The following LY6G6C variants were observed in gnomAD, a reference collection of about 807,000 sequenced individuals.
The protein encoded by LY6G6C is lymphocyte antigen 6 complex locus protein G6c.
Under a neutral mutation model 12.8 loss-of-function variants are expected in LY6G6C, and 12 were observed. The ratio of observed to expected loss-of-function variants is 0.94; its 90% confidence interval spans 0.60 to 1.52. LY6G6C has a LOEUF of 1.52. LY6G6C is among the 40% of genes most tolerant of loss of function. LY6G6C has a pLI of 0.00. For missense variants in LY6G6C, 125 were observed against 155.8 expected, an observed-to-expected ratio of 0.80 and a Z score of 1.05; for synonymous variants, 42 against 61.6, an observed-to-expected ratio of 0.68 and a Z score of 1.49.
At chr6:31,719,969 G>T in intron 2 of LY6G6C, 124 bp downstream of exon 2, 1 of 653,242 alleles carries the variant, frequency 1.5e-6, no homozygotes. Context: ...ACCATCTTTG[G>T]CCAAATATTA....
chr6:31,719,383 T>C (rs1469534994), intron 2 of LY6G6C, 73 bp from the exon 3 acceptor site: 1 of 1,302,260 alleles, frequency 7.7e-7, no homozygotes, highest in Non-Finnish European at 1.1e-6. Flanking sequence ...CCCCACCCCA[T>C]CCACCCACCT....
At position 31,719,190 on chromosome 6, in the gene LY6G6C, T is replaced by C; in HGVS notation, c.284A>G (p.Asp95Gly). 6.2e-7 allele frequency: 1 copy of C among 1,614,128 alleles called. No individual in the cohort carries two copies. Among genetic ancestry groups the C allele is most frequent in the Non-Finnish European group, 8.5e-7 (1 of 1,180,012 alleles). The change falls in exon 3 of 3, where the codon GAC (aspartate) becomes GGC (glycine). Residue 95 changes from aspartate (D) to glycine (G), a missense_variant. Coordinates refer to ENST00000375819, the MANE Select transcript of LY6G6C (RefSeq NM_025261.3). ...LTYNTTCCNK[D>G]NCNSAGPRPT... The stretch of plus-strand genomic sequence containing the variant: ...CCGGGGTCCTGCGCTGTTGCAGTTG[T>C]CCTTGTTGCAGCAGGTGGTGTTATA...
In LY6G6C at chr6:31,720,186, A is replaced by C. The variant is rs1194493580; in HGVS notation, c.70T>G (p.Ser24Ala). The C allele has an allele frequency of 6.2e-7, 1 of 1,612,860 alleles. No individual in the cohort carries two copies. Reference sequence around the variant, plus strand: ...CCCAGCACAGGGACCTTGTAGCAGGAGTGACAGCGAATGTCAGCTGGGAAG... The same window carrying C: ...CCCAGCACAGGGACCTTGTAGCAGGCGTGACAGCGAATGTCAGCTGGGAAG... ...CWVSADIRCH[S>A]CYKVPVLGCV... Residue 24 changes from serine (S) to alanine (A), a missense_variant, in exon 2 of 3, where the codon TCC becomes GCC. By Grantham distance (99) the Ser-to-Ala change is moderately conservative (BLOSUM62 1). Transcript: ENST00000375819. The surrounding 1 kb of genome is among the most constrained non-coding windows in gnomAD (Gnocchi z 4.9).
At position 31,720,973 on chromosome 6, in the gene LY6G6C, C is replaced by T. The variant is rs1806741923; in HGVS notation, c.52+655G>A. ...TGTACCTCAGTGAAATCCACTTCAC[C>T]CTGGAGGTAAGTGGCCCAGTTGTCC... On this transcript the variant is annotated intron_variant, in intron 1 of 2. Coordinates refer to ENST00000375819, the MANE Select transcript of LY6G6C (RefSeq NM_025261.3). This position sits in a 1 kb window ranked among gnomAD's most constrained non-coding sequence, Gnocchi z 4.9. 1 of 152,262 alleles carries T rather than the reference C, an allele frequency of 6.6e-6. No individual in the cohort carries two copies. 9.4% of individuals were successfully genotyped at this position (152,262 alleles called of 1,614,324 possible).
intron 1 of LY6G6C, 81 bp downstream of exon 1, chr6:31,721,547 G>A (rs1416086793): frequency 8.2e-6 from 11 of 1,340,970 alleles, no homozygotes; most frequent in Non-Finnish European, 1.2e-5. Flanking sequence ...CCGAGTGGTG[G>A]GTAGGGCCGG....
Position 31,718,736 on chromosome 6 carries a change from C to G in LY6G6C, c.*360G>C. The G allele has an allele frequency of 2.8e-6, 1 of 359,158 alleles. No individual in the cohort carries two copies. Among genetic ancestry groups the G allele is most frequent in the African/African-American group, 2.0e-5 (1 of 49,834 alleles). 22.2% of individuals were successfully genotyped at this position (359,158 alleles called of 1,614,324 possible). A position where few individuals can be genotyped will look rare whatever the true frequency, so the allele number is the denominator to read the frequency against. ...GGAGCCTGGGTTTGGGGAGTCAGCT[C>G]TGTACAGTGAGGTCATCAGGTCCTT... On this transcript the variant is annotated 3_prime_UTR_variant, in exon 3 of 3. Transcript: ENST00000375819.
rs769163369 is a variant in LY6G6C at position 31,719,193 on chromosome 6, T to A, written c.281A>T (p.Lys94Met). 6.2e-7 allele frequency: 1 copy of A among 1,614,140 alleles called. No individual in the cohort carries two copies. Among genetic ancestry groups the A allele is most frequent in the South Asian group, 1.1e-5 (1 of 91,080 alleles). Residue 94 changes from lysine to methionine, a missense_variant, in exon 3 of 3, where the codon AAG becomes ATG. Coordinates refer to ENST00000375819, the MANE Select transcript of LY6G6C (RefSeq NM_025261.3). ...GGGTCCTGCGCTGTTGCAGTTGTCC[T>A]TGTTGCAGCAGGTGGTGTTATATGT... ...GLTYNTTCCN[K>M]DNCNSAGPRP... is the part of the protein sequence containing the mutation.
Position 31,720,677 on chromosome 6 carries a change from A to AGCAATTT in LY6G6C, c.53-481_53-475dup. ...GAGAAAGCCATCTGTGGCCAGCTTTAGCAATTTACAATTTACTCTTCACCT... is the reference window on the plus strand; with the variant it reads ...GAGAAAGCCATCTGTGGCCAGCTTTAGCAATTTGCAATTTACAATTTACTCTTCACCT... On this transcript the variant is annotated intron_variant, in intron 1 of 2. Transcript: ENST00000375819. This position sits in a 1 kb window ranked among gnomAD's most constrained non-coding sequence, Gnocchi z 4.9. Among the ~76,000 whole-genome samples, 1 of 152,234 alleles carries AGCAATTT rather than the reference A, an allele frequency of 6.6e-6. No individual in the cohort carries two copies. Among genetic ancestry groups the AGCAATTT allele is most frequent in the East Asian group, 1.9e-4 (1 of 5,202 alleles).
At chr6:31,719,359 G>A in intron 2 of LY6G6C, 49 bp from the exon 3 acceptor site, 2 of 1,541,956 alleles carry the variant, frequency 1.3e-6, no homozygotes, top group Non-Finnish European at 1.8e-6. Flanking sequence ...CACCTGGCAT[G>A]CCTGTGTCCA....
In LY6G6C at chr6:31,719,168, G is replaced by T. The variant is rs1242375857; in HGVS notation, c.306C>A (p.Pro102=). 2 of 1,614,174 alleles carry T rather than the reference G, an allele frequency of 1.2e-6. No individual in the cohort carries two copies. The highest frequency in any genetic ancestry group is 1.7e-6 in the Non-Finnish European group (2 of 1,180,016). The change falls in exon 3 of 3, where the codon CCC becomes CCA. Residue 102 remains proline (P), a synonymous_variant. Transcript: ENST00000375819. ...CNKDNCNSAG[P]RPTPALGLVF... is the part of the protein sequence containing the mutation. Reference sequence around the variant, plus strand: ...CAAGGCCCAGGGCTGGAGTGGGCCGGGGTCCTGCGCTGTTGCAGTTGTCCT... The same window carrying T: ...CAAGGCCCAGGGCTGGAGTGGGCCGTGGTCCTGCGCTGTTGCAGTTGTCCT...
At chr6:31,721,542 TG>T in intron 1 of LY6G6C, 85 bp downstream of exon 1, 2 of 1,265,652 alleles carry the variant, frequency 1.6e-6, no homozygotes, top group Non-Finnish European at 2.3e-6. Context: ...GGATCCCGAG[TG>T]GTGGGTAGGG....
At chr6:31,719,518 C>A (rs1418948031) in intron 2 of LY6G6C, among the ~76,000 whole-genome samples, 1 of 152,110 alleles carries the variant, frequency 6.6e-6, no homozygotes, top group South Asian at 2.1e-4. Context: ...TGGCCATGGA[C>A]CTGTTACTGT....
chr6:31,719,956 A>T (rs1806695454), intron 2 of LY6G6C, 137 bp downstream of exon 2: 1 of 620,276 alleles, frequency 1.6e-6, no homozygotes, highest in East Asian at 2.7e-5. Context: ...TGCCTGGCAC[A>T]CAACCATCTT....
At position 31,720,663 on chromosome 6, in the gene LY6G6C, C is replaced by T. The variant is rs1806728399; in HGVS notation, c.53-460G>A. Among the ~76,000 whole-genome samples, 1 of 152,166 alleles carries T rather than the reference C, an allele frequency of 6.6e-6. No individual in the cohort carries two copies. Among genetic ancestry groups the T allele is most frequent in the Non-Finnish European group, 1.5e-5 (1 of 68,032 alleles). On this transcript the variant is annotated intron_variant, in intron 1 of 2. Transcript: ENST00000375819. This position sits in a 1 kb window ranked among gnomAD's most constrained non-coding sequence, Gnocchi z 4.9. The stretch of plus-strand genomic sequence containing the variant: ...AACTTGAGGCTGGCGAGAAAGCCAT[C>T]TGTGGCCAGCTTTAGCAATTTACAA...
chr6:31,719,462 G>T, intron 2 of LY6G6C, 152 bp from the exon 3 acceptor site: 1 of 661,750 alleles, frequency 1.5e-6, no homozygotes, highest in Admixed American at 2.4e-5. Context: ...TCTTCCTTCT[G>T]CACATCCTTA....
chr6:31,721,558 G>C, intron 1 of LY6G6C, 70 bp downstream of exon 1: 2 of 1,455,246 alleles, frequency 1.4e-6, no homozygotes, highest in Non-Finnish European at 1.9e-6. Context: ...GTAGGGCCGG[G>C]AAGTGGGTAG....
Position 31,720,168 on chromosome 6 carries a change from C to A in LY6G6C, c.88G>T (p.Val30Leu), listed in dbSNP as rs1562164651. ...GACTGCCGGTCCACACAGCCCAGCA[C>A]AGGGACCTTGTAGCAGGAGTGACAG... ...IRCHSCYKVPVLGCVDRQSCR... is the reference protein window; with the variant it reads ...IRCHSCYKVPLLGCVDRQSCR... Residue 30 changes from valine (V) to leucine (L), a missense_variant, in exon 2 of 3, where the codon GTG becomes TTG. Val to Leu is a conservative substitution (Grantham distance 32). Transcript: ENST00000375819. This position sits in a 1 kb window ranked among gnomAD's most constrained non-coding sequence, Gnocchi z 4.9. The A allele has an allele frequency of 1.9e-6, 3 of 1,613,088 alleles. No homozygotes were observed. Among genetic ancestry groups the A allele is most frequent in the Non-Finnish European group, 2.5e-6 (3 of 1,179,982 alleles).
rs1448727075 is a variant in LY6G6C, at chr6:31,718,866, C to T, written c.*230G>A. 5.2e-6 allele frequency: 3 copies of T among 576,438 alleles called. No homozygotes were observed. In the Admixed American group the frequency reaches 9.0e-5, roughly 17 times the overall value. 35.7% of individuals were successfully genotyped at this position (576,438 alleles called of 1,614,324 possible). On this transcript the variant is annotated 3_prime_UTR_variant, in exon 3 of 3. Transcript: ENST00000375819. ...GAGTATAGGAAGCAAAGTGGGGAGCCCTTCTAGGAGCCAATGGAGGTCCTG... is the reference window on the plus strand; with the variant it reads ...GAGTATAGGAAGCAAAGTGGGGAGCTCTTCTAGGAGCCAATGGAGGTCCTG...
Position 31,719,244 on chromosome 6 carries a change from T to C in LY6G6C, c.230A>G (p.Asn77Ser), listed in dbSNP as rs1490092726. ...TPEEPCQEAF[N>S]QTNRKLGLTY... ...CAGACCCAGCTTGCGGTTGGTTTGG[T>C]TGAAGGCCTCCTGACAGGGCTCTTC... The change falls in exon 3 of 3, where the codon AAC (asparagine) becomes AGC (serine). Residue 77 changes from asparagine (N) to serine (S), a missense_variant. By Grantham distance (46) the Asn-to-Ser change is conservative. Transcript: ENST00000375819. The C allele has an allele frequency of 2.4e-5, 38 of 1,614,068 alleles. No individual in the cohort carries two copies. Among genetic ancestry groups the C allele is most frequent in the Non-Finnish European group, 3.1e-5 (37 of 1,180,036 alleles).
Sources: allele counts gnomAD v4.1 joint callset (sites outside exome capture counted in the v4.1 genomes callset), GRCh38; gene constraint gnomAD v4.1.1; non-coding constraint Gnocchi (gnomAD v3.1); transcripts MANE v1.5; gene names NCBI Gene and HGNC (gene_info 2026-07-23, HGNC 2026-07-21).